Variants in NME9 observed in about 807,000 individuals in gnomAD.
NME9 encodes the protein NME/NM23 family member 9, also known as thioredoxin domain-containing protein 6.
NME9 carries 48 observed loss-of-function variants against 44.4 expected under a neutral mutation model. The ratio of observed to expected loss-of-function variants is 1.08; its 90% CI spans 0.86 to 1.37. NME9 has a LOEUF of 1.37. NME9 is among the 40% of genes most tolerant of loss of function. NME9 has a pLI of 0.00. For missense variants in NME9, 325 were observed against 405.2 expected (o/e 0.80, Z 1.70); for synonymous variants, 139 against 147.1 (o/e 0.94, Z 0.40).
chr3:138,289,606 A>G (rs759567387), intron 8 of NME9, among the ~76,000 whole-genome samples: 1 of 152,178 alleles, frequency 6.6e-6, no homozygotes, highest in Non-Finnish European at 1.5e-5. Flanking sequence ...GAGGTTCTTT[A>G]CTTTGGCTGC....
At chr3:138,324,767 G>A (rs1249196444) in intron 2 of NME9, 106 bp downstream of exon 2, 5 of 823,284 alleles carry the variant, frequency 6.1e-6, no homozygotes, top group African/African-American at 1.7e-5. Context: ...GAGGCTCAAG[G>A]TAATAGGAAA....
At position 138,329,340 on chromosome 3, in the gene NME9, C is replaced by G; in HGVS notation, c.-5G>C. ...TTCCTTCTTCCTGCTGCCCATGGCTCTGCAAAGAAGACGAAGCCCTGTTAC... is the reference window on the plus strand; with the variant it reads ...TTCCTTCTTCCTGCTGCCCATGGCTGTGCAAAGAAGACGAAGCCCTGTTAC... On this transcript the variant is annotated 5_prime_UTR_variant, in exon 1 of 11. Coordinates refer to ENST00000333911, the MANE Select transcript of NME9 (RefSeq NM_001349018.2). 1 of 1,536,094 alleles carries G rather than the reference C, an allele frequency of 6.5e-7. No individual in the cohort carries two copies. The highest frequency in any genetic ancestry group is 1.2e-5 in the South Asian group (1 of 84,032).
Position 138,267,282 on chromosome 3 carries a change from G to A in NME9, c.746-4696C>T, listed in dbSNP as rs1472171966. On this transcript the variant is annotated intron_variant, in intron 8 of 8. Transcript: ENST00000317876. ...CTTTTCCTAGACTTTGCCCAGTCCA[G>A]CTAGAGCTTACTCAAATACTTTTTA... 7.3e-6 allele frequency: 9 copies of A among 1,239,794 alleles called. 1 individual carries two copies. In the East Asian group the frequency reaches 2.3e-4, roughly 31 times the overall value. The allele number at this position is 1,239,794 out of a possible 1,614,324, so 76.8% of individuals were successfully genotyped here. A position where few individuals can be genotyped will look rare whatever the true frequency, so the allele number is the denominator to read the frequency against.
rs564203903 is a variant in NME9, at chr3:138,304,958, C to T, written c.706G>A (p.Glu236Lys). The change falls in exon 9 of 11, where the codon GAG becomes AAG. Residue 236 changes from glutamate (E) to lysine (K), a missense_variant. Coordinates refer to ENST00000333911, the MANE Select transcript of NME9 (RefSeq NM_001349018.2). ...PSHLLILTRTEGFEDVVTTWR... is the reference protein window; with the variant it reads ...PSHLLILTRTKGFEDVVTTWR... Reference sequence around the variant, plus strand: ...GTAGTGACCACGTCCTCGAAGCCCTCAGTCCTGGTGAGGATCAGGAGGTGG... The same window carrying T: ...GTAGTGACCACGTCCTCGAAGCCCTTAGTCCTGGTGAGGATCAGGAGGTGG... 6.2e-7 allele frequency: 1 copy of T among 1,614,066 alleles called. No homozygotes were observed. Among genetic ancestry groups the T allele is most frequent in the Non-Finnish European group, 8.5e-7 (1 of 1,179,918 alleles).
At chr3:138,318,904 A>C (rs977674442) in intron 3 of NME9, among the ~76,000 whole-genome samples, 6 of 152,214 alleles carry the variant, frequency 3.9e-5, no homozygotes, top group African/African-American at 1.4e-4. Flanking sequence ...TTCATGAGCC[A>C]AGAAGGAGAT....
chr3:138,301,670 C>T lies in NME9; in HGVS notation c.963G>A (p.Glu321=), dbSNP rs1174877014. 3 of 1,536,014 alleles carry T rather than the reference C, an allele frequency of 2.0e-6. No individual in the cohort carries two copies. Among genetic ancestry groups the T allele is most frequent in the South Asian group, 1.2e-5 (1 of 84,070 alleles). Residue 321 remains glutamate (E), a synonymous_variant, in exon 11 of 11, where the codon GAG becomes GAA. Coordinates refer to ENST00000333911, the MANE Select transcript of NME9 (RefSeq NM_001349018.2). ...GEAEATAGPT[E]ALCFPEDVD is the part of the protein sequence containing the mutation. The stretch of plus-strand genomic sequence containing the variant: ...CCACATCCTCAGGAAAGCAAAGCGC[C>T]TCAGTGGGCCCCGCTGTTGCTTCAG...
chr3:138,310,656 T>C (rs1312354599), intron 6 of NME9, among the ~76,000 whole-genome samples: 1 of 152,080 alleles, frequency 6.6e-6, no homozygotes, highest in African/African-American at 2.4e-5. Flanking sequence ...AACATACTCA[T>C]GAACAACAAA....
At chr3:138,328,453 T>C (rs1446314434) in intron 1 of NME9, among the ~76,000 whole-genome samples, 1 of 151,658 alleles carries the variant, frequency 6.6e-6, no homozygotes, top group Non-Finnish European at 1.5e-5. Context: ...AAACTGCTGG[T>C]CCTGCTGAGG....
At chr3:138,297,215 T>C (rs1298039848), downstream of NME9, 1 of 152,192 alleles carries the variant, frequency 6.6e-6, no homozygotes, top group South Asian at 2.1e-4. Context: ...GGCAAGGGAA[T>C]CTCCCCAGGA....
At chr3:138,272,844 C>A in intron 8 of NME9, 1 of 876,028 alleles carries the variant, frequency 1.1e-6, no homozygotes, top group Non-Finnish European at 1.6e-6. Context: ...TGCACACCAG[C>A]CTGGGCGACA....
chr3:138,312,736 A>G (rs2052786883), intron 6 of NME9, among the ~76,000 whole-genome samples: 1 of 152,216 alleles, frequency 6.6e-6, no homozygotes, highest in African/African-American at 2.4e-5. Context: ...ATAGGCAACA[A>G]AAGCAAAAAT....
At chr3:138,278,711 AG>A (rs1218183053) in intron 8 of NME9, among the ~76,000 whole-genome samples, 1 of 152,182 alleles carries the variant, frequency 6.6e-6, no homozygotes, top group East Asian at 1.9e-4. Context: ...CCAATTATTT[AG>A]GTCTTCTTTA....
At chr3:138,314,616 C>T (rs540920578) in intron 5 of NME9, among the ~76,000 whole-genome samples, 2 of 152,282 alleles carry the variant, frequency 1.3e-5, no homozygotes, top group Non-Finnish European at 2.9e-5. Context: ...AGAAAATCCA[C>T]GCTTAAGTTT....
chr3:138,328,245 G>A (rs2053911767), intron 1 of NME9, among the ~76,000 whole-genome samples: 1 of 152,188 alleles, frequency 6.6e-6, no homozygotes, highest in South Asian at 2.1e-4. Context: ...ATAGCCTGGA[G>A]AGGTTATGTG....
Position 138,329,641 on chromosome 3 carries a change from C to G in NME9, c.-306G>C. The G allele has an allele frequency of 8.1e-7, 1 of 1,237,188 alleles. No individual in the cohort carries two copies. 76.6% of individuals were successfully genotyped at this position (1,237,188 alleles called of 1,614,324 possible). ...CCGGCCAGGGGGCGCGCGCAGAGGCCGGAGTCAGTGCGCCGGGCGCGGTGC... is the reference window on the plus strand; with the variant it reads ...CCGGCCAGGGGGCGCGCGCAGAGGCGGGAGTCAGTGCGCCGGGCGCGGTGC... On this transcript the variant is annotated 5_prime_UTR_variant, in exon 1 of 11. Coordinates refer to ENST00000333911, the MANE Select transcript of NME9 (RefSeq NM_001349018.2).
chr3:138,281,845 A>T (rs1293607965), intron 8 of NME9, among the ~76,000 whole-genome samples: 1 of 151,960 alleles, frequency 6.6e-6, no homozygotes, highest in Non-Finnish European at 1.5e-5. Context: ...TTTCTAGGAG[A>T]GTCTAAAAGT....
chr3:138,314,256 T>C (rs1449138038), intron 6 of NME9, 76 bp downstream of exon 6: 2 of 792,432 alleles, frequency 2.5e-6, no homozygotes, highest in African/African-American at 3.5e-5. Flanking sequence ...GTAAACTGAA[T>C]ACTCATCTAT....
chr3:138,262,675 C>A, intron 8 of NME9: 2 of 1,275,930 alleles, frequency 1.6e-6, no homozygotes, highest in Admixed American at 3.1e-5. Context: ...ATGGCCTGGA[C>A]ATAGGATTAA....
chr3:138,302,018 T>C (rs759323216), intron 10 of NME9, among the ~76,000 whole-genome samples: 1 of 152,098 alleles, frequency 6.6e-6, no homozygotes, highest in Non-Finnish European at 1.5e-5. Context: ...ATTTCACAGA[T>C]GAGGAAACTG....
Sources: gnomAD v4.1 joint callset for allele counts (sites outside exome capture counted in the v4.1 genomes callset) on GRCh38, gnomAD v4.1.1 for gene constraint, MANE v1.5 for transcripts, NCBI Gene and HGNC (gene_info 2026-07-23, HGNC 2026-07-21) for gene names.